ANAPC2: variants seen among roughly 807,000 people sequenced by gnomAD.
ANAPC2 encodes anaphase-promoting complex subunit 2.
ANAPC2 carries 29 observed loss-of-function variants against 84.3 expected under a neutral mutation model. The observed-to-expected ratio is 0.34, with a 90% CI of 0.26 to 0.47. The LOEUF is 0.47. Among genes scored for constraint, ANAPC2 ranks in the 20% least tolerant of loss-of-function variants. The probability of loss-of-function intolerance (pLI) is 1.00; values close to 1 mark genes in which losing one functional copy is unlikely to be tolerated. For missense variants in ANAPC2, 857 were observed against 1,131.7 expected (o/e 0.76, Z 3.48); for synonymous variants, 571 against 479.4 (o/e 1.19, Z -2.50).
In ANAPC2 at chr9:137,187,644, C is replaced by G; in HGVS notation, c.577G>C (p.Gly193Arg). 6.2e-7 allele frequency: 1 copy of G among 1,614,134 alleles called. No individual in the cohort carries two copies. Residue 193 changes from glycine to arginine, a missense_variant, in exon 2 of 13, where the codon GGG (glycine) becomes CGG (arginine). Coordinates refer to ENST00000323927, the MANE Select transcript of ANAPC2 (RefSeq NM_013366.4). The stretch of plus-strand genomic sequence containing the variant: ...CCTTCCAGTTCCGGGTCTGTGCCCC[C>G]TTCCCCCTTCCTCTTACTCTGCATA... Reference protein sequence around the residue: ...VYMQSKRKGEGGTDPELEGEL... With the variant: ...VYMQSKRKGERGTDPELEGEL...
chr9:137,180,427 G>A (rs1354592442), intron 9 of ANAPC2, 25 bp downstream of exon 9: 2 of 1,612,678 alleles, frequency 1.2e-6, no homozygotes, highest in East Asian at 4.5e-5. Flanking sequence ...GGGGCGGCCG[G>A]GCAGCGGGCG....
In ANAPC2 at chr9:137,186,611, C is replaced by G. The variant is rs1834475340; in HGVS notation, c.741-255G>C. On this transcript the variant is annotated intron_variant, in intron 2 of 12. Coordinates refer to ENST00000323927, the MANE Select transcript of ANAPC2 (RefSeq NM_013366.4). ...GCTGGCCTCTATCCAGGTAGGGACA[C>G]TGGCCTTCCCCATGTGATCAGTGGC... The G allele has an allele frequency of 9.9e-6, 5 of 503,134 alleles. No individual in the cohort carries two copies. In the South Asian group the frequency reaches 1.3e-4, roughly 13 times the overall value. The allele number at this position is 503,134 out of a possible 1,614,324, so 31.2% of individuals were successfully genotyped here.
intron 5 of ANAPC2, 165 bp from the exon 6 acceptor site, chr9:137,183,407 C>G (rs1056396462): frequency 3.5e-5 from 27 of 766,694 alleles, no homozygotes; most frequent in Non-Finnish European, 5.4e-5. Flanking sequence ...TTCACAGGTC[C>G]CGCCCTGCAG....
chr9:137,180,936 T>C lies in ANAPC2; in HGVS notation c.1469-7A>G. 1.2e-6 allele frequency: 2 copies of C among 1,612,560 alleles called. No individual in the cohort carries two copies. Among genetic ancestry groups the C allele is most frequent in the South Asian group, 1.1e-5 (1 of 91,060 alleles). On this transcript the variant is annotated splice_region_variant and splice_polypyrimidine_tract_variant and intron_variant, in intron 7 of 12. Coordinates refer to ENST00000323927, the MANE Select transcript of ANAPC2 (RefSeq NM_013366.4). ...CGCTTGGAGCTCGACTTCCCTGGCA[T>C]GGTGGGGGCAGGGGTGTCACCTGAC...
intron 10 of ANAPC2, among the ~76,000 whole-genome samples, chr9:137,179,454 C>T (rs1271705564): frequency 6.6e-6 from 1 of 152,216 alleles, no homozygotes; most frequent in Non-Finnish European, 1.5e-5. Context: ...AAGCCTAGTT[C>T]CATCCCTCAG....
At chr9:137,186,503 C>T (rs1457719488) in intron 2 of ANAPC2, 147 bp from the exon 3 acceptor site, 1 of 1,184,868 alleles carries the variant, frequency 8.4e-7, no homozygotes, top group South Asian at 1.6e-5. Context: ...CCACAATCCT[C>T]AGCTGTGGGG....
At chr9:137,177,150 T>C (rs1834240339) in intron 10 of ANAPC2, 1 of 152,002 alleles carries the variant, frequency 6.6e-6, no homozygotes, top group African/African-American at 2.4e-5. Context: ...GCCAACAAGG[T>C]GTGAGAATTT....
At chr9:137,177,564 T>C (rs992275409) in intron 10 of ANAPC2, among the ~76,000 whole-genome samples, 3 of 149,728 alleles carry the variant, frequency 2.0e-5, no homozygotes, top group East Asian at 2.0e-4. Context: ...GTGTGGATGG[T>C]AGTTAGATGA....
chr9:137,178,743 A>AGAG (rs1834277085), intron 10 of ANAPC2, among the ~76,000 whole-genome samples: 1 of 150,676 alleles, frequency 6.6e-6, no homozygotes, highest in Non-Finnish European at 1.5e-5. Flanking sequence ...TGCAAGGGAC[A>AGAG]CCTGGACTCT....
rs778393633 is a variant in ANAPC2 at position 137,175,414 on chromosome 9, C to T, written c.2079G>A (p.Arg693=). ...KAVKMPVALL[R]RRMSVWLQQG... is the part of the protein sequence containing the mutation. ...GCTGCAGCCACACGGACATCCGCCG[C>T]CGCAGCAGCGCCACGGGCATCTTCA... is the stretch of plus-strand genomic sequence containing the variant. Residue 693 remains arginine (R), a synonymous_variant, in exon 12 of 13, where the codon CGG becomes CGA. Transcript: ENST00000323927. 6 of 1,607,006 alleles carry T rather than the reference C, an allele frequency of 3.7e-6. No homozygotes were observed. In the East Asian group the frequency reaches 1.1e-4, roughly 30 times the overall value.
At position 137,187,464 on chromosome 9, in the gene ANAPC2, C is replaced by T. The variant is rs1370697884; in HGVS notation, c.740+17G>A. 1.3e-6 allele frequency: 2 copies of T among 1,593,026 alleles called. No homozygotes were observed. Among genetic ancestry groups the T allele is most frequent in the Non-Finnish European group, 1.7e-6 (2 of 1,165,776 alleles). On this transcript the variant is annotated intron_variant, in intron 2 of 12. Coordinates refer to ENST00000323927, the MANE Select transcript of ANAPC2 (RefSeq NM_013366.4). ...CCAGAAGGAGCAAGGGCATGGCCAT[C>T]GGGACAGACTACTCACAAGACCTGG... is the stretch of plus-strand genomic sequence containing the variant.
rs1210355763 is a variant in ANAPC2, at chr9:137,187,867, C to T, written c.354G>A (p.Leu118=). The change falls in exon 2 of 13, where the codon CTG becomes CTA. Residue 118 remains leucine, a synonymous_variant. Coordinates refer to ENST00000323927, the MANE Select transcript of ANAPC2 (RefSeq NM_013366.4). ...GCAGGTAGGGATCCAGGCGGCTCTC[C>T]AGCAGGCCAAAAGCGTCAAGGAGTA... ...LLLLLDAFGL[L]ESRLDPYLRS... is the part of the protein sequence containing the mutation. 3.1e-6 allele frequency: 5 copies of T among 1,613,686 alleles called. No homozygotes were observed. Among genetic ancestry groups the T allele is most frequent in the Non-Finnish European group, 3.4e-6 (4 of 1,180,050 alleles).
Position 137,181,821 on chromosome 9 carries a change from G to C in ANAPC2, c.1328C>G (p.Thr443Arg). The change falls in exon 7 of 13, where the codon ACG (threonine) becomes AGG (arginine). Residue 443 changes from threonine to arginine, a missense_variant. By Grantham distance (71) the Thr-to-Arg change is moderately conservative (BLOSUM62 -1). Coordinates refer to ENST00000323927, the MANE Select transcript of ANAPC2 (RefSeq NM_013366.4). ...GTCCCCTGTCCCGTCCGAGTCCCCC[G>C]TCAGCCCAGCCACAATCTGCCGCAC... ...DTVRQIVAGLTGDSDGTGDLA... is the reference protein window; with the variant it reads ...DTVRQIVAGLRGDSDGTGDLA... 6.2e-7 allele frequency: 1 copy of C among 1,608,302 alleles called. No individual in the cohort carries two copies.
chr9:137,175,617 G>A (rs1564374194), intron 11 of ANAPC2, 91 bp downstream of exon 11: 1 of 1,521,212 alleles, frequency 6.6e-7, no homozygotes, highest in Non-Finnish European at 8.9e-7. Flanking sequence ...TGGCGCAGCT[G>A]CCCCAAACCA....
chr9:137,182,234 C>T (rs372547483), intron 6 of ANAPC2, among the ~76,000 whole-genome samples: 5 of 152,232 alleles, frequency 3.3e-5, no homozygotes, highest in South Asian at 4.2e-4. Context: ...AAAAAAGGGC[C>T]GGGCACGGTG....
At chr9:137,187,255 G>A (rs1032253530) in intron 2 of ANAPC2, 8 of 595,252 alleles carry the variant, frequency 1.3e-5, no homozygotes, top group Admixed American at 9.5e-5. Flanking sequence ...AAGCCACATA[G>A]GGCCTTACCA....
intron 4 of ANAPC2, 62 bp from the exon 5 acceptor site, chr9:137,183,853 G>A: frequency 5.0e-6 from 8 of 1,590,818 alleles, no homozygotes; most frequent in South Asian, 1.1e-5. Flanking sequence ...GCAGGCTGGT[G>A]CAGAGTGTGT....
intron 1 of ANAPC2, 25 bp from the exon 2 acceptor site, chr9:137,188,128 G>C (rs1198409229): frequency 5.0e-6 from 8 of 1,601,590 alleles, no homozygotes; most frequent in Non-Finnish European, 6.8e-6. Context: ...ACCGTGAGGC[G>C]AGGGGAACAC....
intron 9 of ANAPC2, 33 bp downstream of exon 9, chr9:137,180,419 G>A (rs766756289): frequency 1.9e-6 from 3 of 1,612,584 alleles, no homozygotes; most frequent in Admixed American, 3.3e-5. Flanking sequence ...GGACCTGCGG[G>A]GCGGCCGGGC....
Sources: gnomAD v4.1 joint callset for allele counts (sites outside exome capture counted in the v4.1 genomes callset) on GRCh38, gnomAD v4.1.1 for gene constraint, MANE v1.5 for transcripts, NCBI Gene and HGNC (gene_info 2026-07-23, HGNC 2026-07-21) for gene names.